Variants in NTM observed in about 807,000 individuals in gnomAD.
NTM encodes neurotrimin, also known as IgLON family member 2.
Under a neutral mutation model 42.1 loss-of-function variants are expected in NTM, and 13 were observed. The ratio of observed to expected loss-of-function variants is 0.31; its 90% CI spans 0.20 to 0.49. The LOEUF is 0.49. NTM is among the 20% of genes least tolerant of loss of function. NTM has a pLI of 0.99. For missense variants in NTM, 373 were observed against 452.8 expected (o/e 0.82, Z 1.60); for synonymous variants, 187 against 179.2 (o/e 1.04, Z -0.35).
At chr11:131,761,842 A>T (rs1011305181) in intron 1 of NTM, among the ~76,000 whole-genome samples, 1 of 150,816 alleles carries the variant, frequency 6.6e-6, no homozygotes, top group Non-Finnish European at 1.5e-5. Context: ...TAAATAAATA[A>T]ATAAATAAAT....
chr11:131,372,252 G>A (rs766139205), intron 1 of NTM, among the ~76,000 whole-genome samples: 1 of 151,942 alleles, frequency 6.6e-6, no homozygotes, highest in Non-Finnish European at 1.5e-5. Context: ...ATCTGTGTCG[G>A]GTGATAAGGA....
chr11:132,184,014 G>A (rs372286908), intron 3 of NTM, among the ~76,000 whole-genome samples: 2 of 152,194 alleles, frequency 1.3e-5, no homozygotes, highest in East Asian at 3.9e-4. Flanking sequence ...CCAGTATAGT[G>A]TTAAAGCTTC....
At chr11:132,256,356 G>T (rs1408973781) in intron 4 of NTM, among the ~76,000 whole-genome samples, 1 of 152,206 alleles carries the variant, frequency 6.6e-6, no homozygotes, top group East Asian at 1.9e-4. Context: ...CACCCCTCCA[G>T]TGTCCATCAC....
In NTM at chr11:132,275,716, A is replaced by ATATATATACG. The variant is rs1481524989; in HGVS notation, c.527-31954_527-31945dup. Among the ~76,000 whole-genome samples the ATATATATACG allele has an allele frequency of 2.5e-5, 3 of 119,634 alleles. No homozygotes were observed. The East Asian group carries it at 6.7e-4, about 27-fold the overall frequency. 78.5% of individuals were successfully genotyped at this position (119,634 alleles called of 152,430 possible). A position where few individuals can be genotyped will look rare whatever the true frequency, so the allele number is the denominator to read the frequency against. ...TATATATATATGTATATATATATGT[A>ATATATATACG]TATATATACGTATATATACGTATAT... is the stretch of plus-strand genomic sequence containing the variant. On this transcript the variant is annotated intron_variant, in intron 4 of 8. Coordinates refer to ENST00000683400, the MANE Select transcript of NTM (RefSeq NM_001352005.2).
At chr11:132,197,827 C>A (rs1045012482) in intron 3 of NTM, among the ~76,000 whole-genome samples, 19 of 151,988 alleles carry the variant, frequency 1.3e-4, no homozygotes, top group African/African-American at 4.4e-4. Flanking sequence ...AGGACATGAA[C>A]TCATCATTTT....
At chr11:131,908,248 A>G (rs1285588975) in intron 1 of NTM, among the ~76,000 whole-genome samples, 1 of 152,188 alleles carries the variant, frequency 6.6e-6, no homozygotes, top group African/African-American at 2.4e-5. Context: ...AAGAAGAATT[A>G]TTTTCTTGCC....
chr11:131,646,034 G>A (rs1234648361), intron 1 of NTM, among the ~76,000 whole-genome samples: 1 of 152,236 alleles, frequency 6.6e-6, no homozygotes, highest in Non-Finnish European at 1.5e-5. Context: ...GAAGCTGCAT[G>A]TATGTGCATG....
intron 3 of NTM, among the ~76,000 whole-genome samples, chr11:132,173,403 T>C (rs1000394163): frequency 2.0e-5 from 3 of 152,226 alleles, no homozygotes; most frequent in Admixed American, 6.5e-5. Flanking sequence ...CTGAACGTCA[T>C]GCTTTTAACC....
At chr11:132,265,608 A>G (rs1371450207) in intron 4 of NTM, among the ~76,000 whole-genome samples, 1 of 152,156 alleles carries the variant, frequency 6.6e-6, no homozygotes, top group African/African-American at 2.4e-5. Flanking sequence ...GGCTTATGGA[A>G]TTTATGAAAA....
At chr11:131,862,683 T>C (rs532437060) in intron 1 of NTM, among the ~76,000 whole-genome samples, 14 of 152,366 alleles carry the variant, frequency 9.2e-5, no homozygotes, top group African/African-American at 2.6e-4. Context: ...GTTCCTCTTA[T>C]AGCAAAGGCT....
At chr11:131,974,327 G>T (rs2063997114) in intron 2 of NTM, among the ~76,000 whole-genome samples, 1 of 152,180 alleles carries the variant, frequency 6.6e-6, no homozygotes, top group South Asian at 2.1e-4. Flanking sequence ...AATTGTGTCT[G>T]TGATAACTTA....
chr11:131,910,598 C>T (rs925239571), intron 1 of NTM, among the ~76,000 whole-genome samples: 1 of 150,852 alleles, frequency 6.6e-6, no homozygotes, highest in African/African-American at 2.4e-5. Context: ...CCCCGGCGGT[C>T]GGGGCCCGCG....
intron 2 of NTM, among the ~76,000 whole-genome samples, chr11:132,104,220 G>C (rs2136618386): frequency 6.6e-6 from 1 of 152,256 alleles, no homozygotes; most frequent in South Asian, 2.1e-4. Flanking sequence ...AAGTGGATCT[G>C]TTATGGTGCA....
chr11:132,152,968 C>T lies in NTM; in HGVS notation c.400+6454C>T, dbSNP rs183926202. ...GAAGAGTGGATAAAAATAGGGTCCCCTGTTCTAGCCTTTCACACCCACTCA... is the reference window on the plus strand; with the variant it reads ...GAAGAGTGGATAAAAATAGGGTCCCTTGTTCTAGCCTTTCACACCCACTCA... On this transcript the variant is annotated intron_variant, in intron 3 of 8. Transcript: ENST00000683400. 2.6e-5 allele frequency among the ~76,000 whole-genome samples: 4 copies of T among 152,322 alleles called. No homozygotes were observed. In the East Asian group the frequency reaches 5.8e-4, roughly 22 times the overall value.
intron 1 of NTM, among the ~76,000 whole-genome samples, chr11:131,751,366 G>A (rs1003660616): frequency 6.6e-5 from 10 of 152,016 alleles, no homozygotes; most frequent in African/African-American, 2.2e-4. Context: ...TGAGGTGGGC[G>A]GATCACGAGG....
At chr11:132,143,075 G>T (rs1232119375) in intron 2 of NTM, among the ~76,000 whole-genome samples, 1 of 152,086 alleles carries the variant, frequency 6.6e-6, no homozygotes, top group Non-Finnish European at 1.5e-5. Flanking sequence ...GAAAATAAAG[G>T]ACTCTGCTTC....
At chr11:132,173,027 A>G (rs913821277) in intron 3 of NTM, among the ~76,000 whole-genome samples, 1 of 152,210 alleles carries the variant, frequency 6.6e-6, no homozygotes, top group African/African-American at 2.4e-5. Flanking sequence ...TCTAAACATC[A>G]CATGGATTTT....
chr11:131,389,024 A>AAAAGAAAAGAAAAG (rs1555097642), intron 1 of NTM, among the ~76,000 whole-genome samples: 71 of 89,912 alleles, frequency 7.9e-4, no homozygotes, highest in African/African-American at 2.9e-3. Context: ...AAAAAAAAAA[A>AAAAGAAAAGAAAAG]AAAAGAAAAG....
intron 1 of NTM, among the ~76,000 whole-genome samples, chr11:131,503,367 T>A (rs1477833077): frequency 1.3e-5 from 2 of 152,084 alleles, no homozygotes; most frequent in African/African-American, 4.8e-5. Flanking sequence ...TGTTGCAGTT[T>A]CCATCTGATT....
Sources: gnomAD v4.1 joint callset for allele counts (sites outside exome capture counted in the v4.1 genomes callset) on GRCh38, gnomAD v4.1.1 for gene constraint, MANE v1.5 for transcripts, NCBI Gene and HGNC (gene_info 2026-07-23, HGNC 2026-07-21) for gene names.